The following GRIP2 variants were observed in gnomAD, a reference collection of about 807,000 sequenced individuals.
GRIP2 encodes the protein glutamate receptor-interacting protein 2.
Under a neutral mutation model 108.3 loss-of-function variants are expected in GRIP2, and 58 were observed. The observed-to-expected ratio is 0.54, with a 90% CI of 0.43 to 0.67. GRIP2 has a LOEUF of 0.67. Ranked by LOEUF, GRIP2 falls within the 30% of genes least tolerant of loss-of-function variation. GRIP2 has a pLI of 0.00. For synonymous variants in GRIP2, 586 were observed against 598.2 expected (o/e 0.98, Z 0.30); for missense variants, 1,278 against 1,430.6 (o/e 0.89, Z 1.72).
At chr3:14,530,385 A>G (rs4685188) in intron 1 of GRIP2, among the ~76,000 whole-genome samples, 62,562 of 147,474 alleles carry the variant, frequency 0.42, 14,166 homozygotes, top group South Asian at 0.62. Flanking sequence ...CACTCATCCT[A>G]CTTGTTTTCC....
chr3:14,585,743 G>A, the GRIP2 span, among the ~76,000 whole-genome samples: 4 of 152,038 alleles, frequency 2.6e-5, no homozygotes, highest in Non-Finnish European at 5.9e-5. Flanking sequence ...ACCAGGCACT[G>A]ACTGTCACAC....
chr3:14,539,414 T>C (rs1694907398), intron 1 of GRIP2, among the ~76,000 whole-genome samples: 1 of 152,124 alleles, frequency 6.6e-6, no homozygotes, highest in South Asian at 2.1e-4. Flanking sequence ...GAAGCAGGGC[T>C]GGGGGCTCTG....
chr3:14,513,474 T>G (rs1322518618), intron 13 of GRIP2, among the ~76,000 whole-genome samples, 191 bp downstream of exon 13: 1 of 152,164 alleles, frequency 6.6e-6, no homozygotes, highest in Non-Finnish European at 1.5e-5. Context: ...TCTGCAAAAG[T>G]CTCCTGGTGT....
At chr3:14,498,312 T>A (rs1693671840) in intron 21 of GRIP2, among the ~76,000 whole-genome samples, 1 of 151,912 alleles carries the variant, frequency 6.6e-6, no homozygotes, top group African/African-American at 2.4e-5. Flanking sequence ...AAAATACAAT[T>A]ATTAGCCAGG....
rs1187405073 is a variant in GRIP2 at position 14,494,913 on chromosome 3, T to A, written c.2900A>T (p.Tyr967Phe). Residue 967 changes from tyrosine to phenylalanine, a missense_variant, in exon 23 of 24, where the codon TAT (tyrosine) becomes TTT (phenylalanine). Transcript: ENST00000621039. The part of the protein sequence containing the change: ...VSDGLLEKGV[Y>F]VHTVRPDGPA... ...CCCATCAGGGCGCACAGTGTGGACATAGACACCTTTTTCCAGGAGGCCATC... is the reference window on the plus strand; with the variant it reads ...CCCATCAGGGCGCACAGTGTGGACAAAGACACCTTTTTCCAGGAGGCCATC... 1 of 1,613,796 alleles carries A rather than the reference T, an allele frequency of 6.2e-7. No homozygotes were observed. Among genetic ancestry groups the A allele is most frequent in the African/African-American group, 1.3e-5 (1 of 74,922 alleles).
chr3:14,599,695 GTGTGTGTGTGTGTGTGTT>G, the GRIP2 span, among the ~76,000 whole-genome samples: 2 of 149,546 alleles, frequency 1.3e-5, no homozygotes, highest in African/African-American at 5.0e-5. Context: ...CTGTGTGTGT[GTGTGTGTGTGTGTGTGTT>G]TGTGTGTGTG....
At chr3:14,577,129 G>C in the GRIP2 span, among the ~76,000 whole-genome samples, 1 of 152,106 alleles carries the variant, frequency 6.6e-6, no homozygotes, top group Admixed American at 6.5e-5. Context: ...ATTTAATGTT[G>C]GCATGGAGAT....
chr3:14,514,421 G>A lies in GRIP2; in HGVS notation c.1364C>T (p.Thr455Met), dbSNP rs1201005010. ...GGGGTCTCCACAGAGCACGACCTCC[G>A]TGGTCTCCGTGTGCACAATCTGCCC... is the stretch of plus-strand genomic sequence containing the variant. ...PGGQIVHTET[T>M]EVVLCGDPLS... Residue 455 changes from threonine (T) to methionine (M), a missense_variant, in exon 12 of 24, where the codon ACG becomes ATG. Thr to Met is a moderately conservative substitution (Grantham distance 81, BLOSUM62 -1). Transcript: ENST00000621039. 7 of 1,575,744 alleles carry A rather than the reference G, an allele frequency of 4.4e-6. No individual in the cohort carries two copies. The highest frequency in any genetic ancestry group is 3.7e-5 in the Admixed American group (2 of 54,508).
chr3:14,505,583 CCCT>C lies in GRIP2; in HGVS notation c.2573+29_2573+31del. ...CCACCCCAGCCAAGACACTGTGACT[CCCT>C]CCTCCTTCACGGTGCTCCCACCACA... is the stretch of plus-strand genomic sequence containing the variant. On this transcript the variant is annotated intron_variant, in intron 20 of 23. Transcript: ENST00000621039. The surrounding 1 kb of genome is among the most constrained non-coding windows in gnomAD (Gnocchi z 4.2). 1 of 1,595,756 alleles carries C rather than the reference CCCT, an allele frequency of 6.3e-7. No homozygotes were observed. Among genetic ancestry groups the C allele is most frequent in the South Asian group, 1.1e-5 (1 of 87,952 alleles).
intron 1 of GRIP2, among the ~76,000 whole-genome samples, chr3:14,550,819 A>G (rs1225995635): frequency 5.9e-5 from 9 of 152,184 alleles, no homozygotes; most frequent in Admixed American, 5.9e-4. Context: ...ACTGAGACAC[A>G]GCGAGGAGCA....
chr3:14,564,628 A>G, the GRIP2 span, among the ~76,000 whole-genome samples: 16 of 152,168 alleles, frequency 1.1e-4, no homozygotes, highest in Non-Finnish European at 2.9e-5. Flanking sequence ...GTGGGACCTG[A>G]CTTAAAATTA....
chr3:14,578,578 A>G, the GRIP2 span, among the ~76,000 whole-genome samples: 1 of 152,096 alleles, frequency 6.6e-6, no homozygotes, highest in Non-Finnish European at 1.5e-5. Context: ...TTAGCCAGGC[A>G]TGGTGGCAGG....
chr3:14,562,174 G>C, the GRIP2 span, among the ~76,000 whole-genome samples: 1 of 152,208 alleles, frequency 6.6e-6, no homozygotes, highest in African/African-American at 2.4e-5. Flanking sequence ...CCAGACTCTG[G>C]ACTCTAAATT....
At chr3:14,599,169 C>A in the GRIP2 span, among the ~76,000 whole-genome samples, 1 of 152,322 alleles carries the variant, frequency 6.6e-6, no homozygotes. Flanking sequence ...ATACCCAGAA[C>A]AAGGCCCAGT....
the GRIP2 span, among the ~76,000 whole-genome samples, chr3:14,600,039 T>C: frequency 6.6e-6 from 1 of 152,164 alleles, no homozygotes; most frequent in South Asian, 2.1e-4. Context: ...GTCTGTGGTG[T>C]GTCTTGTCCA....
chr3:14,524,019 C>A lies in GRIP2; in HGVS notation c.404-321G>T, dbSNP rs368379291. ...GTTACTCAAACTTCAAGACTTTAGA[C>A]CAGCTTTGAAAATCCCAAGCTAGGT... is the stretch of plus-strand genomic sequence containing the variant. On this transcript the variant is annotated intron_variant, in intron 4 of 23. Coordinates refer to ENST00000621039, the MANE Select transcript of GRIP2 (RefSeq NM_001080423.4). 22 of 478,814 alleles carry A rather than the reference C, an allele frequency of 4.6e-5. No individual in the cohort carries two copies. The East Asian group carries it at 5.7e-4, about 12-fold the overall frequency. The allele number at this position is 478,814 out of a possible 1,614,324, so 29.7% of individuals were successfully genotyped here. A position where few individuals can be genotyped will look rare whatever the true frequency, so the allele number is the denominator to read the frequency against.
upstream of GRIP2, among the ~76,000 whole-genome samples, chr3:14,542,743 C>T (rs1694998330): frequency 2.0e-5 from 3 of 152,214 alleles, no homozygotes; most frequent in South Asian, 6.2e-4. Context: ...CGACACCCTA[C>T]TGAGCACATT....
intron 20 of GRIP2, 184 bp from the exon 21 acceptor site, chr3:14,503,855 G>A (rs1574993854): frequency 6.7e-6 from 4 of 595,948 alleles, no homozygotes; most frequent in East Asian, 2.8e-5. Context: ...TTGGTGACAC[G>A]GAATAGGGGA....
chr3:14,562,712 T>TGAGGCAGACGGTCCTCGGACTCCC, the GRIP2 span, among the ~76,000 whole-genome samples: 18 of 151,160 alleles, frequency 1.2e-4, no homozygotes, highest in South Asian at 4.2e-4. Flanking sequence ...GACAGAGGGA[T>TGAGGCAGACGGTCCTCGGACTCCC]GAGGCAGACG....
Sources: gnomAD v4.1 joint callset for allele counts (sites outside exome capture counted in the v4.1 genomes callset) on GRCh38, gnomAD v4.1.1 for gene constraint, Gnocchi (gnomAD v3.1) non-coding constraint, MANE v1.5 for transcripts, NCBI Gene and HGNC (gene_info 2026-07-23, HGNC 2026-07-21) for gene names.